The following RNF123 variants were observed in gnomAD, a reference collection of about 807,000 sequenced individuals.
RNF123 encodes the protein E3 ubiquitin-protein ligase RNF123.
Under a neutral mutation model 168.5 loss-of-function variants are expected in RNF123, and 86 were observed. The ratio of observed to expected loss-of-function variants is 0.51; its 90% CI spans 0.43 to 0.61. RNF123 has a LOEUF of 0.61. Ranked by LOEUF, RNF123 falls within the 20% of genes least tolerant of loss-of-function variation. The pLI is 0.00. For missense variants in RNF123, 1,419 were observed against 1,729.7 expected (o/e 0.82, Z 3.19); for synonymous variants, 666 against 689.1 (o/e 0.97, Z 0.52).
At chr3:49,704,791 T>C (rs1211595837) in intron 22 of RNF123, 35 bp downstream of exon 22, 22 of 1,537,862 alleles carry the variant, frequency 1.4e-5, no homozygotes, top group Non-Finnish European at 1.8e-5. Context: ...GGATTTGTGT[T>C]GGGCTTATCC....
In RNF123 at chr3:49,703,479, C is replaced by T; in HGVS notation, c.1803C>T (p.Asp601=). ...VFYNGKVDYF[D]LQRLGGLLSH... is the part of the protein sequence containing the mutation. ...ATAATGGCAAGGTGGACTACTTTGA[C>T]CTGCAGCGCCTGGGGGGCCTCCTCT... The change falls in exon 21 of 39, where the codon GAC becomes GAT. Residue 601 remains aspartate, a synonymous_variant. Coordinates refer to ENST00000327697, the MANE Select transcript of RNF123 (RefSeq NM_022064.5). The T allele has an allele frequency of 1.2e-6, 2 of 1,614,060 alleles. No homozygotes were observed. Among genetic ancestry groups the T allele is most frequent in the Non-Finnish European group, 1.7e-6 (2 of 1,179,988 alleles).
chr3:49,713,447 C>A, intron 27 of RNF123, 66 bp from the exon 28 acceptor site: 2 of 1,491,554 alleles, frequency 1.3e-6, no homozygotes, highest in East Asian at 2.4e-5. Flanking sequence ...TCCACCCACC[C>A]TGCTGACATG....
chr3:49,712,810 C>A, intron 27 of RNF123, 154 bp downstream of exon 27: 1 of 838,126 alleles, frequency 1.2e-6, no homozygotes, highest in Non-Finnish European at 2.0e-6. Context: ...CTGCAGCAAA[C>A]AAACGTCTGC....
At position 49,698,168 on chromosome 3, in the gene RNF123, G is replaced by A. The variant is rs748040421; in HGVS notation, c.483+31G>A. 28 of 1,583,886 alleles carry A rather than the reference G, an allele frequency of 1.8e-5. No individual in the cohort carries two copies. The Admixed American group carries it at 4.5e-4, about 26-fold the overall frequency. On this transcript the variant is annotated intron_variant, in intron 7 of 38. Transcript: ENST00000327697. The stretch of plus-strand genomic sequence containing the variant: ...CGTTGGGGAGGGGACCCCTCCCTGG[G>A]CCCAGGGAGAGCTTCTCCTGCCACA...
rs144031061 is a variant in RNF123 at position 49,706,023 on chromosome 3, T to C, written c.2346T>C (p.Ala782=). 6.2e-7 allele frequency: 1 copy of C among 1,614,130 alleles called. No homozygotes were observed. Among genetic ancestry groups the C allele is most frequent in the African/African-American group, 1.3e-5 (1 of 75,044 alleles). ...VSDDVNEYAM[A]LRDTEDKLRR... Reference sequence around the variant, plus strand: ...ATGATGTCAATGAATACGCTATGGCTCTGAGGGACACAGAGGACAAGCTCC... The same window carrying C: ...ATGATGTCAATGAATACGCTATGGCCCTGAGGGACACAGAGGACAAGCTCC... The change falls in exon 25 of 39, where the codon GCT becomes GCC. Residue 782 remains alanine (A), a synonymous_variant. Transcript: ENST00000327697.
At position 49,719,577 on chromosome 3, in the gene RNF123, G is replaced by A. The variant is rs2080341720; in HGVS notation, c.3501-934G>A. ...GTGGCACCGGATGGCCCTTGCCGAG[G>A]AGGCACGGCGGGTTCTTGCCAGCCG... On this transcript the variant is annotated intron_variant, in intron 35 of 38. Transcript: ENST00000327697. The A allele has an allele frequency of 1.0e-5, 10 of 962,506 alleles. No individual in the cohort carries two copies. In the East Asian group the frequency reaches 2.4e-4, roughly 23 times the overall value. 59.6% of individuals were successfully genotyped at this position (962,506 alleles called of 1,614,324 possible).
At chr3:49,708,730 T>C (rs2080081952) in intron 26 of RNF123, among the ~76,000 whole-genome samples, 1 of 152,258 alleles carries the variant, frequency 6.6e-6, no homozygotes, top group Non-Finnish European at 1.5e-5. Context: ...TGTCAGAATT[T>C]CTTCATTTTC....
At chr3:49,713,422 A>G in intron 27 of RNF123, 91 bp from the exon 28 acceptor site, 3 of 1,280,400 alleles carry the variant, frequency 2.3e-6, no homozygotes. Flanking sequence ...CCAGCTCTAG[A>G]GCCTGCTACC....
At chr3:49,719,030 C>G (rs773696500) in intron 35 of RNF123, 1 of 1,613,904 alleles carries the variant, frequency 6.2e-7, no homozygotes, top group South Asian at 1.1e-5. Context: ...TCCAAGTGCA[C>G]CAAGCGGTTA....
intron 35 of RNF123, chr3:49,718,426 G>A (rs1375960532): frequency 1.9e-6 from 3 of 1,612,706 alleles, no homozygotes; most frequent in East Asian, 4.5e-5. Context: ...GAAGAGTCCC[G>A]CATGCTGCTC....
chr3:49,700,558 C>G lies in RNF123; in HGVS notation c.1197C>G (p.Gly399=), dbSNP rs2054360680. 2 of 1,614,186 alleles carry G rather than the reference C, an allele frequency of 1.2e-6. No homozygotes were observed. The highest frequency in any genetic ancestry group is 2.7e-5 in the African/African-American group (2 of 75,080). ...TCTCACCCATTGTCCCAGACCTGGG[C>G]CTACAGGTGGGAGCCCCTACCCCTG... ...YRFSPIVPDL[G]LQIHYLRLTI... Residue 399 remains glycine, a synonymous_variant, in exon 14 of 39, where the codon GGC becomes GGG. Coordinates refer to ENST00000327697, the MANE Select transcript of RNF123 (RefSeq NM_022064.5).
chr3:49,709,200 C>T (rs1014333880), intron 26 of RNF123, among the ~76,000 whole-genome samples: 1 of 151,944 alleles, frequency 6.6e-6, no homozygotes, highest in South Asian at 2.1e-4. Flanking sequence ...GGCGCGATCT[C>T]GGCTCACGGC....
intron 23 of RNF123, 133 bp from the exon 24 acceptor site, chr3:49,705,401 T>C (rs2108189453): frequency 1.5e-6 from 2 of 1,346,168 alleles, no homozygotes; most frequent in Non-Finnish European, 2.0e-6. Context: ...CCTACCCCCA[T>C]GCCCCCATGG....
chr3:49,699,066 A>G lies in RNF123; in HGVS notation c.725A>G (p.Lys242Arg). ...AYFPAISLSF[K>R]ESVAFNFGSR... ...TTCCCAGCCATCAGCCTCTCTTTCA[A>G]GGAGTCCGTGGCCTTCAACTTTGGC... The change falls in exon 10 of 39, where the codon AAG becomes AGG. Residue 242 changes from lysine (K) to arginine (R), a missense_variant. This residue lies in a region of RNF123 where 318 missense variants were observed against 446.6 expected (regional missense o/e 0.71). Transcript: ENST00000327697. This position sits in a 1 kb window ranked among gnomAD's most constrained non-coding sequence, Gnocchi z 4.8. The G allele has an allele frequency of 6.2e-7, 1 of 1,613,830 alleles. No homozygotes were observed.
intron 21 of RNF123, 135 bp from the exon 22 acceptor site, chr3:49,704,515 G>A: frequency 1.5e-6 from 1 of 670,956 alleles, no homozygotes; most frequent in Non-Finnish European, 2.5e-6. Flanking sequence ...GAGGGGCGAG[G>A]GGCAGATACG....
intron 21 of RNF123, among the ~76,000 whole-genome samples, chr3:49,704,144 C>T (rs1247828811): frequency 3.9e-5 from 6 of 152,082 alleles, no homozygotes; most frequent in Admixed American, 2.0e-4. Context: ...GCGCGTTTAG[C>T]GGGGAGCAAG....
intron 35 of RNF123, 107 bp from the exon 36 acceptor site, chr3:49,720,404 G>C (rs961005962): frequency 6.9e-5 from 79 of 1,152,424 alleles, no homozygotes; most frequent in Middle Eastern, 2.2e-4. Flanking sequence ...AAGGATGCAG[G>C]GGGGGTGATC....
intron 26 of RNF123, 97 bp from the exon 27 acceptor site, chr3:49,712,382 G>T (rs578096345): frequency 8.5e-7 from 1 of 1,170,682 alleles, no homozygotes; most frequent in Non-Finnish European, 1.2e-6. Flanking sequence ...TTGTGCTGTC[G>T]TAGGCCTGGG....
rs753130625 is a variant in RNF123 at position 49,715,845 on chromosome 3, G to A, written c.3174G>A (p.Leu1058=). ...IQEIQQAAER[L]ERNFVDSRQL... The stretch of plus-strand genomic sequence containing the variant: ...AGATCCAGCAGGCTGCTGAGCGCCT[G>A]GAGCGGAACTTTGTGGACAGCCGGC... The change falls in exon 33 of 39, where the codon CTG becomes CTA. Residue 1058 remains leucine, a synonymous_variant. Transcript: ENST00000327697. 15 of 1,614,002 alleles carry A rather than the reference G, an allele frequency of 9.3e-6. No individual in the cohort carries two copies. Among genetic ancestry groups the A allele is most frequent in the Non-Finnish European group, 1.7e-6 (2 of 1,180,044 alleles).
Sources: allele counts gnomAD v4.1 joint callset (sites outside exome capture counted in the v4.1 genomes callset), GRCh38; gene constraint gnomAD v4.1.1; regional missense constraint gnomAD v4.1.1; non-coding constraint Gnocchi (gnomAD v3.1); transcripts MANE v1.5; gene names NCBI Gene and HGNC (gene_info 2026-07-23, HGNC 2026-07-21).